EYS: variants seen among roughly 807,000 people sequenced by gnomAD.
The protein encoded by EYS is protein eyes shut homolog.
A neutral mutation model predicts 282.1 loss-of-function variants in EYS; 250 were observed. The observed-to-expected ratio is 0.89, with a 90% CI of 0.80 to 0.98. EYS has a LOEUF of 0.98. Among genes scored for constraint, EYS ranks in the 50% least tolerant of loss-of-function variants. EYS has a pLI of 0.00. For missense variants in EYS, 4,016 were observed against 3,709.0 expected, an observed-to-expected ratio of 1.08 and a Z score of -2.15; for synonymous variants, 1,355 against 1,282.9, an observed-to-expected ratio of 1.06 and a Z score of -1.20.
At chr6:65,331,784 T>C in intron 11 of EYS, 1 of 918,702 alleles carries the variant, frequency 1.1e-6, no homozygotes, top group Non-Finnish European at 1.3e-6. Context: ...CTACTTTTCC[T>C]TATCAAAATG....
chr6:64,182,766 T>C (rs1162250841), intron 31 of EYS, among the ~76,000 whole-genome samples: 3 of 152,144 alleles, frequency 2.0e-5, no homozygotes, highest in Non-Finnish European at 4.4e-5. Flanking sequence ...AATTCACTTC[T>C]TTCTACTCAC....
chr6:63,798,900 A>G (rs1416736460), intron 37 of EYS, among the ~76,000 whole-genome samples: 2 of 149,880 alleles, frequency 1.3e-5, no homozygotes, highest in Non-Finnish European at 3.0e-5. Flanking sequence ...GCTTAGGTGC[A>G]TAGATCAAAT....
At chr6:64,413,561 A>AAC (rs1287494053) in intron 28 of EYS, among the ~76,000 whole-genome samples, 1 of 117,424 alleles carries the variant, frequency 8.5e-6, no homozygotes, top group African/African-American at 2.9e-5. Context: ...ACAACAACAA[A>AAC]AACCCAAAAA....
At chr6:65,399,131 C>A (rs913756597) in intron 7 of EYS, among the ~76,000 whole-genome samples, 32 of 151,892 alleles carry the variant, frequency 2.1e-4, no homozygotes, top group Non-Finnish European at 5.9e-5. Context: ...GGAACATACA[C>A]CTACACTCTA....
intron 12 of EYS, among the ~76,000 whole-genome samples, chr6:65,120,693 C>T (rs187629068): frequency 9.2e-5 from 14 of 152,080 alleles, no homozygotes; most frequent in African/African-American, 2.9e-4. Flanking sequence ...CCAATATCAT[C>T]CTCTCTTTCT....
intron 33 of EYS, among the ~76,000 whole-genome samples, chr6:64,016,616 C>T (rs1029799680): frequency 1.3e-5 from 2 of 151,798 alleles, no homozygotes; most frequent in African/African-American, 2.4e-5. Flanking sequence ...GCTGGGACTA[C>T]AGGCATACAT....
At chr6:64,322,393 A>G (rs1401438995) in intron 29 of EYS, among the ~76,000 whole-genome samples, 1 of 152,098 alleles carries the variant, frequency 6.6e-6, no homozygotes, top group African/African-American at 2.4e-5. Context: ...TCTGTTTCTG[A>G]TAACAGCACA....
chr6:65,381,834 A>T (rs1394267643), intron 8 of EYS, among the ~76,000 whole-genome samples: 1 of 151,960 alleles, frequency 6.6e-6, no homozygotes, highest in Non-Finnish European at 1.5e-5. Flanking sequence ...GGATTTATTA[A>T]TTTCTTAATT....
chr6:64,425,114 C>T (rs879396842), intron 28 of EYS, among the ~76,000 whole-genome samples: 7 of 152,024 alleles, frequency 4.6e-5, no homozygotes, highest in Admixed American at 6.6e-5. Context: ...GTGAATGCAG[C>T]GTGTGAGAGG....
At chr6:65,622,588 T>C (rs1194454469) in intron 2 of EYS, among the ~76,000 whole-genome samples, 1 of 152,112 alleles carries the variant, frequency 6.6e-6, no homozygotes, top group Non-Finnish European at 1.5e-5. Context: ...TATTTTTCCT[T>C]GGAATAATAA....
intron 26 of EYS, among the ~76,000 whole-genome samples, chr6:64,524,746 T>C (rs1179912359): frequency 1.3e-5 from 2 of 151,846 alleles, no homozygotes; most frequent in South Asian, 2.1e-4. Flanking sequence ...CATTGCTTGC[T>C]TTTGTCAACT....
chr6:64,712,332 A>C (rs1771241180), intron 22 of EYS, among the ~76,000 whole-genome samples: 1 of 152,224 alleles, frequency 6.6e-6, no homozygotes, highest in Non-Finnish European at 1.5e-5. Flanking sequence ...GTCTTAGTTA[A>C]AGAGATAAGA....
At chr6:64,790,738 G>A (rs1774163107) in intron 22 of EYS, among the ~76,000 whole-genome samples, 1 of 151,720 alleles carries the variant, frequency 6.6e-6, no homozygotes, top group Non-Finnish European at 1.5e-5. Flanking sequence ...TTCTATGTAA[G>A]GTTTAACTTA....
At chr6:65,027,940 T>C (rs978601562) in intron 13 of EYS, among the ~76,000 whole-genome samples, 11 of 152,284 alleles carry the variant, frequency 7.2e-5, no homozygotes, top group African/African-American at 2.6e-4. Context: ...TGCTGGATTG[T>C]ATGGTAAAGT....
In EYS at chr6:64,909,972, C is replaced by T. The variant is rs115633182; in HGVS notation, c.2641+2512G>A. 3.3e-3 allele frequency among the ~76,000 whole-genome samples: 496 copies of T among 152,118 alleles called. 2 individuals carry two copies. Among genetic ancestry groups the T allele is most frequent in the South Asian group, 7.1e-3 (34 of 4,820 alleles). ...TACTCTGGCTGAAATTTTACCTATA[C>T]TCATATTTATCTAGTGAGAGACCCT... On this transcript the variant is annotated intron_variant, in intron 16 of 42. Transcript: ENST00000503581.
chr6:65,492,619 A>T lies in EYS; in HGVS notation c.749-1912T>A, dbSNP rs530915727. On this transcript the variant is annotated intron_variant, in intron 4 of 42. Transcript: ENST00000503581. ...TTAAATTGCTTTATCATTCACTCCAAATCAGCAGTTTGAGTGTTTTCACAT... is the reference window on the plus strand; with the variant it reads ...TTAAATTGCTTTATCATTCACTCCATATCAGCAGTTTGAGTGTTTTCACAT... 1.3e-5 allele frequency among the ~76,000 whole-genome samples: 2 copies of T among 152,156 alleles called. 1 individual carries two copies. The highest frequency in any genetic ancestry group is 1.3e-4 in the Admixed American group (2 of 15,274).
intron 13 of EYS, among the ~76,000 whole-genome samples, chr6:65,057,330 G>C (rs939001281): frequency 6.6e-6 from 1 of 152,024 alleles, no homozygotes; most frequent in Non-Finnish European, 1.5e-5. Context: ...TGCTAGGCTG[G>C]TAATATATTC....
intron 12 of EYS, among the ~76,000 whole-genome samples, chr6:65,099,595 G>C (rs919937769): frequency 2.0e-5 from 3 of 150,540 alleles, no homozygotes; most frequent in African/African-American, 7.3e-5. Context: ...AAAGAATTTT[G>C]ACTCAAAACA....
intron 37 of EYS, among the ~76,000 whole-genome samples, chr6:63,802,755 G>T (rs147908850): frequency 2.0e-5 from 3 of 151,632 alleles, no homozygotes; most frequent in Admixed American, 6.6e-5. Flanking sequence ...TAAAGAAAAA[G>T]CTCTTTAGTA....
Sources: allele counts gnomAD v4.1 joint callset (sites outside exome capture counted in the v4.1 genomes callset), GRCh38; gene constraint gnomAD v4.1.1; transcripts MANE v1.5; gene names NCBI Gene and HGNC (gene_info 2026-07-23, HGNC 2026-07-21).